Variants in FAR2 observed in about 807,000 individuals in gnomAD.
FAR2 encodes epididymis secretory protein Li 81.
Under a neutral mutation model 56.0 loss-of-function variants are expected in FAR2, and 19 were observed. The observed-to-expected ratio is 0.34, with a 90% CI of 0.24 to 0.50. The LOEUF (loss-of-function observed/expected upper bound fraction) is 0.50. Ranked by LOEUF, FAR2 falls within the 20% of genes least tolerant of loss-of-function variation. FAR2 has a pLI of 0.98. For missense variants in FAR2, 508 were observed against 642.2 expected (o/e 0.79, Z 2.26); for synonymous variants, 219 against 218.8 (o/e 1.00, Z -0.01).
intron 5 of FAR2, 95 bp downstream of exon 5, chr12:29,307,930 G>T: frequency 2.3e-6 from 3 of 1,311,172 alleles, no homozygotes; most frequent in Non-Finnish European, 3.1e-6. Context: ...TCCTCCTCAG[G>T]ATTTATAGCT....
intron 1 of FAR2, among the ~76,000 whole-genome samples, chr12:29,172,460 C>T (rs1267008130): frequency 6.6e-6 from 1 of 152,234 alleles, no homozygotes; most frequent in Non-Finnish European, 1.5e-5. Context: ...GCTCCATTTT[C>T]TGTCCTCTCT....
chr12:29,248,548 G>A (rs895635939), intron 1 of FAR2, among the ~76,000 whole-genome samples: 10 of 152,192 alleles, frequency 6.6e-5, no homozygotes, highest in African/African-American at 2.4e-4. Flanking sequence ...GAGATCACAG[G>A]ACCACAGGAC....
chr12:29,322,906 G>C (rs890868333), intron 10 of FAR2, among the ~76,000 whole-genome samples: 13 of 152,166 alleles, frequency 8.5e-5, no homozygotes, highest in Admixed American at 1.3e-4. Context: ...GCCTTGCCCT[G>C]CTTCGGCTCA....
chr12:29,169,593 C>G (rs947334583), intron 1 of FAR2, among the ~76,000 whole-genome samples: 2 of 152,300 alleles, frequency 1.3e-5, no homozygotes, highest in Admixed American at 6.5e-5. Flanking sequence ...GCAGCGTTTC[C>G]TACTATCCCT....
intron 4 of FAR2, among the ~76,000 whole-genome samples, chr12:29,299,213 C>CAAAAAAAAAAAAAAAAAA (rs71042981): frequency 1.1e-4 from 11 of 103,588 alleles, no homozygotes; most frequent in African/African-American, 3.9e-4. Flanking sequence ...AACTTTGTCT[C>CAAAAAAAAAAAAAAAAAA]AAAAAAAAAA....
chr12:29,234,740 A>G (rs1947911826), intron 1 of FAR2, among the ~76,000 whole-genome samples: 1 of 151,588 alleles, frequency 6.6e-6, no homozygotes, highest in South Asian at 2.1e-4. Context: ...ACCTCCCTTC[A>G]CTCTTCTTCT....
intron 1 of FAR2, among the ~76,000 whole-genome samples, chr12:29,168,481 A>G (rs1005277152): frequency 6.6e-6 from 1 of 152,246 alleles, no homozygotes; most frequent in South Asian, 2.1e-4. Context: ...ATGAACAGAA[A>G]GTAATTCAAA....
At chr12:29,278,003 C>T (rs1406665972) in intron 2 of FAR2, 1 of 142,338 alleles carries the variant, frequency 7.0e-6, no homozygotes, top group African/African-American at 2.6e-5. Context: ...TCACAATCAG[C>T]TCACTGTAAC....
intron 5 of FAR2, among the ~76,000 whole-genome samples, chr12:29,308,707 C>CATATATATATATATATATATATAT (rs1253144255): frequency 4.4e-5 from 6 of 136,986 alleles, no homozygotes; most frequent in African/African-American, 1.9e-4. Flanking sequence ...CACACACACA[C>CATATATATATATATATATATATAT]ACACACACAC....
intron 1 of FAR2, among the ~76,000 whole-genome samples, chr12:29,250,928 A>C (rs1482181881): frequency 6.6e-6 from 1 of 152,172 alleles, no homozygotes; most frequent in Non-Finnish European, 1.5e-5. Context: ...ACCTAACTGC[A>C]ATGGGAGTAA....
At chr12:29,181,493 C>G (rs1425285277) in intron 1 of FAR2, among the ~76,000 whole-genome samples, 1 of 152,218 alleles carries the variant, frequency 6.6e-6, no homozygotes, top group Non-Finnish European at 1.5e-5. Flanking sequence ...TGTGTTTTCA[C>G]TGCTTCCGGA....
chr12:29,279,060 C>A (rs1948745843), intron 2 of FAR2, among the ~76,000 whole-genome samples: 1 of 152,188 alleles, frequency 6.6e-6, no homozygotes, highest in South Asian at 2.1e-4. Context: ...GGAAATTCTA[C>A]TTTGCCTTTG....
At chr12:29,169,961 T>C (rs1044545074) in intron 1 of FAR2, among the ~76,000 whole-genome samples, 51 of 152,378 alleles carry the variant, frequency 3.3e-4, no homozygotes, top group African/African-American at 1.2e-3. Flanking sequence ...GTTAGGATAA[T>C]ACAAGTTACA....
intron 8 of FAR2, 131 bp from the exon 9 acceptor site, chr12:29,316,710 C>T (rs1314427986): frequency 7.8e-6 from 7 of 902,312 alleles, no homozygotes; most frequent in Admixed American, 2.5e-5. Context: ...ATATTGTTCT[C>T]AGAAATTGAT....
At chr12:29,278,441 G>A (rs994799887) in intron 2 of FAR2, among the ~76,000 whole-genome samples, 11 of 151,930 alleles carry the variant, frequency 7.2e-5, no homozygotes, top group Non-Finnish European at 1.0e-4. Context: ...CCGGGCTCAC[G>A]TGATCCACCC....
rs1289732007 is a variant in FAR2, at chr12:29,149,285, C to G, written c.-161C>G. ...TCTCCGAGCCGGATATATAGAGTGT[C>G]ACGTTTGGGAGCCGAAAGACTGGAG... On this transcript the variant is annotated 5_prime_UTR_variant, in exon 1 of 12. Coordinates refer to ENST00000536681, the MANE Select transcript of FAR2 (RefSeq NM_001271783.2). 2 of 152,354 alleles carry G rather than the reference C, an allele frequency of 1.3e-5. No individual in the cohort carries two copies. Among genetic ancestry groups the G allele is most frequent in the Non-Finnish European group, 2.9e-5 (2 of 68,144 alleles). 9.4% of individuals were successfully genotyped at this position (152,354 alleles called of 1,614,324 possible). A position where few individuals can be genotyped will look rare whatever the true frequency, so the allele number is the denominator to read the frequency against.
In FAR2 at chr12:29,256,968, C is replaced by T. The variant is rs570571418; in HGVS notation, c.-38-13444C>T. On this transcript the variant is annotated intron_variant, in intron 1 of 11. Transcript: ENST00000536681. ...GTGGGGCCCCAGCCTCCTCGACGAG[C>T]GCCACCCCCTGCTCCAGGGCACCCA... is the stretch of plus-strand genomic sequence containing the variant. 2.9e-3 allele frequency among the ~76,000 whole-genome samples: 447 copies of T among 152,298 alleles called. 4 individuals are homozygous for T. The highest frequency in any genetic ancestry group is 0.01 in the African/African-American group (421 of 41,572).
intron 1 of FAR2, among the ~76,000 whole-genome samples, chr12:29,180,596 A>G (rs992997964): frequency 1.3e-5 from 2 of 152,058 alleles, no homozygotes; most frequent in African/African-American, 4.8e-5. Flanking sequence ...CAGAAATTTC[A>G]TTGTCTTCTG....
At chr12:29,285,013 T>C (rs1948850547) in intron 2 of FAR2, among the ~76,000 whole-genome samples, 1 of 152,078 alleles carries the variant, frequency 6.6e-6, no homozygotes, top group Non-Finnish European at 1.5e-5. Context: ...GGCTAATTTT[T>C]TGTATTTTTA....
Sources: gnomAD v4.1 joint callset for allele counts (sites outside exome capture counted in the v4.1 genomes callset) on GRCh38, gnomAD v4.1.1 for gene constraint, MANE v1.5 for transcripts, NCBI Gene and HGNC (gene_info 2026-07-23, HGNC 2026-07-21) for gene names.